The following CNTNAP5 variants were observed in gnomAD, a reference collection of about 807,000 sequenced individuals.
CNTNAP5 encodes the protein contactin-associated protein-like 5.
In CNTNAP5, 72 loss-of-function variants were observed where a neutral mutation model predicts 150.2. The observed-to-expected ratio is 0.48, with a 90% confidence interval of 0.40 to 0.58. The LOEUF is 0.58. Ranked by LOEUF, CNTNAP5 falls within the 20% of genes least tolerant of loss-of-function variation. The pLI is 0.00. For synonymous variants in CNTNAP5, 672 were observed against 619.8 expected (o/e 1.08, Z -1.25); for missense variants, 1,636 against 1,626.2 (o/e 1.01, Z -0.10).
At chr2:124,488,784 T>G (rs546333930) in intron 7 of CNTNAP5, among the ~76,000 whole-genome samples, 1 of 152,212 alleles carries the variant, frequency 6.6e-6, no homozygotes, top group Non-Finnish European at 1.5e-5. Flanking sequence ...GAAGAATGTC[T>G]TCCTAAGGGA....
chr2:124,164,807 C>T (rs1684772210), intron 1 of CNTNAP5, among the ~76,000 whole-genome samples: 1 of 152,140 alleles, frequency 6.6e-6, no homozygotes, highest in African/African-American at 2.4e-5. Flanking sequence ...GAGGCCGTTT[C>T]AATATTCACC....
intron 19 of CNTNAP5, among the ~76,000 whole-genome samples, chr2:124,850,409 G>T (rs191244968): frequency 6.6e-5 from 10 of 152,292 alleles, no homozygotes; most frequent in African/African-American, 2.4e-4. Flanking sequence ...AGAGGGCCAT[G>T]TGACATGAGG....
At chr2:124,417,069 C>A (rs1368368593) in intron 3 of CNTNAP5, among the ~76,000 whole-genome samples, 1 of 150,950 alleles carries the variant, frequency 6.6e-6, no homozygotes, top group Admixed American at 6.6e-5. Context: ...TCTCGGGTAG[C>A]TGGGATTACA....
At chr2:124,114,318 T>A (rs190938206) in intron 1 of CNTNAP5, among the ~76,000 whole-genome samples, 2 of 152,042 alleles carry the variant, frequency 1.3e-5, no homozygotes, top group East Asian at 3.8e-4. Flanking sequence ...GTTTTAAAAT[T>A]TTCTAAATAC....
At chr2:124,527,149 TA>T in intron 9 of CNTNAP5, 135 bp from the exon 10 acceptor site, 2 of 646,744 alleles carry the variant, frequency 3.1e-6, no homozygotes, top group Non-Finnish European at 5.3e-6. Flanking sequence ...CTAGGATTTA[TA>T]ATGAAAAGGG....
intron 3 of CNTNAP5, among the ~76,000 whole-genome samples, chr2:124,245,717 A>G (rs1687004374): frequency 6.6e-6 from 1 of 150,982 alleles, no homozygotes; most frequent in African/African-American, 2.4e-5. Context: ...ATATATTTAT[A>G]TACACAAATA....
At chr2:124,532,933 GA>G (rs1695144027) in intron 10 of CNTNAP5, among the ~76,000 whole-genome samples, 1 of 152,108 alleles carries the variant, frequency 6.6e-6, no homozygotes, top group Admixed American at 6.6e-5. Context: ...TCCATGGGGA[GA>G]GAAGAGGCTT....
At position 124,798,232 on chromosome 2, in the gene CNTNAP5, T is replaced by C. The variant is rs79076754; in HGVS notation, c.3129T>C (p.Leu1043=). Reference sequence around the variant, plus strand: ...CTCCATCCAAGGAAAACATTGCACTTAGCTTTGTGACAACCCAGGCACCCA... The same window carrying C: ...CTCCATCCAAGGAAAACATTGCACTCAGCTTTGTGACAACCCAGGCACCCA... ...DSAPSKENIA[L]SFVTTQAPSL... Residue 1043 remains leucine, a synonymous_variant, in exon 19 of 24, where the codon CTT becomes CTC. Coordinates refer to ENST00000682447, the MANE Select transcript of CNTNAP5 (RefSeq NM_001367498.1). 2.5e-4 allele frequency: 397 copies of C among 1,613,932 alleles called. No homozygotes were observed. The African/African-American group carries it at 4.9e-3, about 20-fold the overall frequency.
At chr2:124,722,128 A>G (rs1382738740) in intron 13 of CNTNAP5, among the ~76,000 whole-genome samples, 1 of 152,136 alleles carries the variant, frequency 6.6e-6, no homozygotes, top group African/African-American at 2.4e-5. Flanking sequence ...AGGGTTAGAC[A>G]GCAACATAAG....
At chr2:124,674,545 T>TCC (rs1215277141) in intron 13 of CNTNAP5, among the ~76,000 whole-genome samples, 175 of 147,578 alleles carry the variant, frequency 1.2e-3, no homozygotes, top group African/African-American at 4.0e-3. Context: ...CTTTCTTTCT[T>TCC]TCTTTCTTCC....
intron 17 of CNTNAP5, among the ~76,000 whole-genome samples, chr2:124,786,491 G>A (rs1681596150): frequency 8.3e-6 from 1 of 121,014 alleles, no homozygotes; most frequent in African/African-American, 3.8e-5. Context: ...AAGGAGGGAA[G>A]GAAGGGAGGG....
chr2:124,294,082 G>C (rs1422265846), intron 3 of CNTNAP5, among the ~76,000 whole-genome samples: 1 of 147,032 alleles, frequency 6.8e-6, no homozygotes, highest in African/African-American at 2.5e-5. Context: ...TGGGTGTCTT[G>C]TATTAAATTG....
intron 3 of CNTNAP5, among the ~76,000 whole-genome samples, chr2:124,386,761 G>T (rs1573959453): frequency 6.6e-6 from 1 of 152,058 alleles, no homozygotes; most frequent in African/African-American, 2.4e-5. Context: ...TTCTGATCAT[G>T]CTCTGTAGGT....
intron 6 of CNTNAP5, among the ~76,000 whole-genome samples, chr2:124,448,229 A>G (rs1335714125): frequency 6.6e-6 from 1 of 151,622 alleles, no homozygotes; most frequent in Non-Finnish European, 1.5e-5. Context: ...GATTGTGCCA[A>G]TGCACTCCAG....
At chr2:124,222,746 C>T (rs868139917) in intron 2 of CNTNAP5, among the ~76,000 whole-genome samples, 12 of 149,334 alleles carry the variant, frequency 8.0e-5, no homozygotes, top group African/African-American at 1.2e-4. Flanking sequence ...TTTTTTTACA[C>T]GCTAACTAAT....
intron 7 of CNTNAP5, among the ~76,000 whole-genome samples, chr2:124,483,627 C>G (rs1453618878): frequency 6.6e-6 from 1 of 152,186 alleles, no homozygotes; most frequent in Non-Finnish European, 1.5e-5. Flanking sequence ...TCCTCAGAGC[C>G]CCTTTCAGAC....
intron 13 of CNTNAP5, among the ~76,000 whole-genome samples, chr2:124,740,939 C>G (rs1440713682): frequency 6.6e-6 from 1 of 152,150 alleles, no homozygotes; most frequent in Non-Finnish European, 1.5e-5. Context: ...GAACCATCAT[C>G]ATTTCTGCAC....
At chr2:124,761,681 C>T (rs890039388) in intron 14 of CNTNAP5, among the ~76,000 whole-genome samples, 21 of 152,136 alleles carry the variant, frequency 1.4e-4, no homozygotes, top group African/African-American at 4.3e-4. Context: ...ACTTGCTTGG[C>T]CCCTGTAGGC....
chr2:124,233,785 T>TTATA (rs375601691), intron 2 of CNTNAP5, among the ~76,000 whole-genome samples: 10,894 of 147,196 alleles, frequency 0.074, 539 homozygotes, highest in Non-Finnish European at 0.11. Flanking sequence ...GCCTGTGAGT[T>TTATA]TATATATATA....
Sources: allele counts gnomAD v4.1 joint callset (sites outside exome capture counted in the v4.1 genomes callset), GRCh38; gene constraint gnomAD v4.1.1; transcripts MANE v1.5; gene names NCBI Gene and HGNC (gene_info 2026-07-23, HGNC 2026-07-21).